Variants in ICA1 observed in about 807,000 individuals in gnomAD.
The protein encoded by ICA1 is islet cell autoantigen 1, also known as 69 kDa islet cell autoantigen.
ICA1 carries 40 observed loss-of-function variants against 71.0 expected under a neutral mutation model. The ratio of observed to expected loss-of-function variants is 0.56; its 90% CI spans 0.44 to 0.73. The LOEUF is 0.73. Among genes scored for constraint, ICA1 ranks in the 30% least tolerant of loss-of-function variants. The pLI is 0.00. For synonymous variants in ICA1, 207 were observed against 209.5 expected (o/e 0.99, Z 0.10); for missense variants, 578 against 576.5 (o/e 1.00, Z -0.03).
intron 6 of ICA1, among the ~76,000 whole-genome samples, chr7:8,178,370 A>C (rs1781226931): frequency 6.6e-6 from 1 of 152,172 alleles, no homozygotes; most frequent in Non-Finnish European, 1.5e-5. Flanking sequence ...ACTGTATTTT[A>C]ATTGACTGTT....
chr7:8,128,146 A>G lies in ICA1; in HGVS notation c.1061-4T>C, dbSNP rs770207490. ...CCTGCCACTGGTCCCAGGCAAGCTG[A>G]TTGAAGTAACAGAGAACAAAACGTC... On this transcript the variant is annotated splice_polypyrimidine_tract_variant and splice_region_variant and intron_variant, in intron 12 of 13. Coordinates refer to ENST00000402384, the MANE Select transcript of ICA1 (RefSeq NM_001136020.3). The G allele has an allele frequency of 6.2e-7, 1 of 1,613,664 alleles. No individual in the cohort carries two copies.
chr7:8,135,737 T>C (rs908735779), intron 12 of ICA1, among the ~76,000 whole-genome samples: 3 of 152,198 alleles, frequency 2.0e-5, no homozygotes, highest in Non-Finnish European at 4.4e-5. Context: ...ACCAAGGAGG[T>C]AGCAGGAGAT....
chr7:8,132,425 A>G lies in ICA1; in HGVS notation c.1061-4283T>C, dbSNP rs1411912441. ...GTTCTGGTTTCTTCTTCCTTCCACA[A>G]CCACATACTCTACTTTGGCTCTACT... On this transcript the variant is annotated intron_variant, in intron 12 of 13. Coordinates refer to ENST00000402384, the MANE Select transcript of ICA1 (RefSeq NM_001136020.3). This position sits in a 1 kb window ranked among gnomAD's most constrained non-coding sequence, Gnocchi z 4.5. Among the ~76,000 whole-genome samples, 1 of 152,004 alleles carries G rather than the reference A, an allele frequency of 6.6e-6. No individual in the cohort carries two copies. Among genetic ancestry groups the G allele is most frequent in the Non-Finnish European group, 1.5e-5 (1 of 68,000 alleles).
intron 8 of ICA1, among the ~76,000 whole-genome samples, chr7:8,152,189 T>A (rs1799042348): frequency 6.6e-6 from 1 of 151,988 alleles, no homozygotes; most frequent in Non-Finnish European, 1.5e-5. Context: ...AGGGGGTGGG[T>A]TGGGTTACCC....
In ICA1 at chr7:8,138,823, A is replaced by C. The variant is rs373343815; in HGVS notation, c.1060+17T>G. The C allele has an allele frequency of 3.1e-5, 48 of 1,559,168 alleles. No individual in the cohort carries two copies. In the South Asian group the frequency reaches 4.9e-4, roughly 16 times the overall value. Reference sequence around the variant, plus strand: ...AATCAAACAAATCATAATCCCAAAGAAACACATAAATCTTACCACCTTCCT... The same window carrying C: ...AATCAAACAAATCATAATCCCAAAGCAACACATAAATCTTACCACCTTCCT... On this transcript the variant is annotated intron_variant, in intron 12 of 13. Coordinates refer to ENST00000402384, the MANE Select transcript of ICA1 (RefSeq NM_001136020.3).
rs140151724 is a variant in ICA1 at position 8,232,611 on chromosome 7, C to T, written c.162G>A (p.Ala54=). 96 of 1,611,618 alleles carry T rather than the reference C, an allele frequency of 6.0e-5. No homozygotes were observed. The highest frequency in any genetic ancestry group is 7.7e-5 in the Non-Finnish European group (91 of 1,178,900). Reference sequence around the variant, plus strand: ...TCACCTCTAGCTTGGCATCCAGGTCCGCGTCAGAGGCAACAACATGTTCAT... The same window carrying T: ...TCACCTCTAGCTTGGCATCCAGGTCTGCGTCAGAGGCAACAACATGTTCAT... ...KEDEHVVASD[A]DLDAKLELFH... Residue 54 remains alanine (A), a synonymous_variant, in exon 3 of 14, where the codon GCG becomes GCA. Transcript: ENST00000402384.
intron 6 of ICA1, among the ~76,000 whole-genome samples, chr7:8,171,972 G>A (rs770444481): frequency 6.6e-6 from 1 of 151,750 alleles, no homozygotes; most frequent in African/African-American, 2.4e-5. Flanking sequence ...AGATTACTTT[G>A]CATAATTTTG....
intron 1 of ICA1, among the ~76,000 whole-genome samples, chr7:8,257,281 T>C (rs116916886): frequency 2.8e-4 from 42 of 152,348 alleles, no homozygotes; most frequent in Admixed American, 7.2e-4. Context: ...TGGCTTAGAA[T>C]GCTCTACCCT....
intron 6 of ICA1, among the ~76,000 whole-genome samples, chr7:8,195,386 G>A (rs1787110558): frequency 6.6e-6 from 1 of 151,482 alleles, no homozygotes; most frequent in Non-Finnish European, 1.5e-5. Context: ...ACTAAAAATA[G>A]AAAAAATTAG....
chr7:8,261,409 G>A (rs373219024), intron 1 of ICA1, among the ~76,000 whole-genome samples: 14 of 152,170 alleles, frequency 9.2e-5, no homozygotes, highest in East Asian at 7.7e-4. Context: ...CCCCGGAGCA[G>A]GAAAGGCGGA....
chr7:8,119,497 G>A (rs774345032), intron 13 of ICA1, among the ~76,000 whole-genome samples: 11 of 152,180 alleles, frequency 7.2e-5, no homozygotes, highest in Non-Finnish European at 7.3e-5. Context: ...TGTAATGTGC[G>A]TGTTCTTGGA....
At chr7:8,252,897 G>C (rs1306169449) in intron 1 of ICA1, among the ~76,000 whole-genome samples, 1 of 151,836 alleles carries the variant, frequency 6.6e-6, no homozygotes, top group Non-Finnish European at 1.5e-5. Context: ...TTTGTTTTGA[G>C]ACAGGGTCTT....
At chr7:8,257,825 C>G (rs1810742598) in intron 1 of ICA1, among the ~76,000 whole-genome samples, 1 of 152,198 alleles carries the variant, frequency 6.6e-6, no homozygotes, top group South Asian at 2.1e-4. Flanking sequence ...TCCTGAATCA[C>G]AGATGATCAG....
At chr7:8,244,912 G>A (rs535750401) in intron 1 of ICA1, among the ~76,000 whole-genome samples, 1 of 152,236 alleles carries the variant, frequency 6.6e-6, no homozygotes, top group Non-Finnish European at 1.5e-5. Context: ...GGAAACAACA[G>A]GTGCTGGAGA....
intron 6 of ICA1, among the ~76,000 whole-genome samples, chr7:8,164,163 G>C (rs1187161785): frequency 6.6e-6 from 1 of 151,996 alleles, no homozygotes; most frequent in Non-Finnish European, 1.5e-5. Flanking sequence ...AAATTTGATA[G>C]TGTGGTGGTA....
chr7:8,139,957 G>A (rs940331678), intron 10 of ICA1, among the ~76,000 whole-genome samples: 1 of 152,120 alleles, frequency 6.6e-6, no homozygotes, highest in African/African-American at 2.4e-5. Context: ...CATTATAATG[G>A]ATTTTATTCT....
At chr7:8,190,235 A>C (rs1191795198) in intron 6 of ICA1, among the ~76,000 whole-genome samples, 1 of 151,190 alleles carries the variant, frequency 6.6e-6, no homozygotes, top group African/African-American at 2.4e-5. Flanking sequence ...TTTTTTCCGC[A>C]GTCAGATTAG....
At chr7:8,156,760 T>C (rs984004501) in intron 8 of ICA1, 2 of 1,396,224 alleles carry the variant, frequency 1.4e-6, no homozygotes, top group African/African-American at 2.9e-5. Flanking sequence ...ATGGGACTTG[T>C]ACAATCTCCC....
intron 6 of ICA1, among the ~76,000 whole-genome samples, chr7:8,215,714 C>T (rs974696032): frequency 4.6e-5 from 7 of 152,176 alleles, no homozygotes; most frequent in East Asian, 1.9e-4. Flanking sequence ...TTTGTCTCCA[C>T]CAGAAAGTGT....
Sources: gnomAD v4.1 joint callset for allele counts (sites outside exome capture counted in the v4.1 genomes callset) on GRCh38, gnomAD v4.1.1 for gene constraint, Gnocchi (gnomAD v3.1) non-coding constraint, MANE v1.5 for transcripts, NCBI Gene and HGNC (gene_info 2026-07-23, HGNC 2026-07-21) for gene names.